Variants in FHIT observed in about 807,000 individuals in gnomAD.
FHIT encodes the protein fragile histidine triad diadenosine triphosphatase.
Under a neutral mutation model 17.9 loss-of-function variants are expected in FHIT, and 19 were observed. The ratio of observed to expected loss-of-function variants is 1.06; its 90% CI spans 0.74 to 1.56. The LOEUF (loss-of-function observed/expected upper bound fraction) is 1.56, where lower values mean the gene tolerates loss of function less well. FHIT is among the 40% of genes most tolerant of loss of function. The probability of loss-of-function intolerance (pLI) is 0.00; values close to 1 mark genes in which losing one functional copy is unlikely to be tolerated. For synonymous variants in FHIT, 81 were observed against 69.7 expected (o/e 1.16, Z -0.81); for missense variants, 248 against 189.2 (o/e 1.31, Z -1.82).
At chr3:60,467,169 T>C (rs369037870) in intron 5 of FHIT, among the ~76,000 whole-genome samples, 99 of 152,136 alleles carry the variant, frequency 6.5e-4, no homozygotes, top group African/African-American at 2.2e-3. Context: ...GCTCACAGTA[T>C]CTTCTAATGA....
intron 5 of FHIT, among the ~76,000 whole-genome samples, chr3:60,487,552 C>A (rs1378705099): frequency 6.6e-6 from 1 of 152,162 alleles, no homozygotes; most frequent in Non-Finnish European, 1.5e-5. Context: ...ATCTTTGGTG[C>A]AGCAATTAAT....
At chr3:60,069,617 T>G (rs1289088057) in intron 5 of FHIT, among the ~76,000 whole-genome samples, 1 of 152,202 alleles carries the variant, frequency 6.6e-6, no homozygotes, top group African/African-American at 2.4e-5. Context: ...AGTAAATAAT[T>G]CAACTAACTA....
intron 4 of FHIT, among the ~76,000 whole-genome samples, chr3:60,738,305 A>G (rs1434047860): frequency 1.8e-4 from 28 of 152,220 alleles, no homozygotes; most frequent in Admixed American, 1.4e-3. Flanking sequence ...ATGAGATAGT[A>G]TTACAGTTCA....
At chr3:60,469,364 TCTGA>T (rs147787086) in intron 5 of FHIT, among the ~76,000 whole-genome samples, 10,496 of 152,132 alleles carry the variant, frequency 0.069, 1,172 homozygotes, top group African/African-American at 0.24. Flanking sequence ...TTTTGTCTCC[TCTGA>T]CTGTGTATTT....
chr3:60,614,841 TG>T (rs67535996), intron 4 of FHIT, among the ~76,000 whole-genome samples: 21,945 of 79,162 alleles, frequency 0.28, 4,112 homozygotes, highest in Non-Finnish European at 0.4. Flanking sequence ...GTTTTTTTTT[TG>T]TTTTTTGAGA....
At chr3:60,688,598 A>T (rs1390576348) in intron 4 of FHIT, among the ~76,000 whole-genome samples, 1 of 151,750 alleles carries the variant, frequency 6.6e-6, no homozygotes, top group African/African-American at 2.4e-5. Flanking sequence ...GGCCAGGCTA[A>T]TTTTTGTATT....
At chr3:60,879,565 C>A (rs563425421) in intron 3 of FHIT, among the ~76,000 whole-genome samples, 39 of 152,042 alleles carry the variant, frequency 2.6e-4, no homozygotes, top group Non-Finnish European at 4.1e-4. Context: ...TAGTAACAAA[C>A]CCTAATGACA....
At chr3:59,861,877 A>T (rs1408332281) in intron 8 of FHIT, among the ~76,000 whole-genome samples, 1 of 152,206 alleles carries the variant, frequency 6.6e-6, no homozygotes, top group Non-Finnish European at 1.5e-5. Context: ...AAAAAAAAAT[A>T]GTCAAATATA....
intron 8 of FHIT, among the ~76,000 whole-genome samples, chr3:59,763,121 C>T (rs1701611509): frequency 6.6e-6 from 1 of 152,162 alleles, no homozygotes; most frequent in African/African-American, 2.4e-5. Flanking sequence ...ACCCACAGTA[C>T]TCAGAACAAG....
At chr3:60,453,180 T>G (rs565787739) in intron 5 of FHIT, among the ~76,000 whole-genome samples, 1 of 148,070 alleles carries the variant, frequency 6.8e-6, no homozygotes, top group African/African-American at 2.6e-5. Flanking sequence ...AGTTTAATTA[T>G]TTTATGCCTG....
chr3:60,359,185 A>G (rs1699794412), intron 5 of FHIT, among the ~76,000 whole-genome samples: 1 of 152,132 alleles, frequency 6.6e-6, no homozygotes, highest in Admixed American at 6.6e-5. Context: ...ACATCACAGA[A>G]CAGAGTAGAC....
chr3:61,185,229 T>A (rs1276860120), intron 2 of FHIT, among the ~76,000 whole-genome samples: 1 of 152,116 alleles, frequency 6.6e-6, no homozygotes, highest in Non-Finnish European at 1.5e-5. Flanking sequence ...GCAATTTGCT[T>A]TATCAGGAGA....
At chr3:60,506,975 G>C (rs1338477390) in intron 5 of FHIT, among the ~76,000 whole-genome samples, 1 of 152,118 alleles carries the variant, frequency 6.6e-6, no homozygotes, top group Non-Finnish European at 1.5e-5. Flanking sequence ...ACATAGTGCT[G>C]AAGTTACTAT....
intron 4 of FHIT, among the ~76,000 whole-genome samples, chr3:60,566,025 A>G (rs937599618): frequency 6.6e-6 from 1 of 152,118 alleles, no homozygotes; most frequent in African/African-American, 2.4e-5. Flanking sequence ...TGTACCCAGT[A>G]GTCATTCAGG....
chr3:60,536,794 T>G lies in FHIT; in HGVS notation c.103+66A>C. ...ACTGGAGGCCAATCTTGTATTTATA[T>G]TCATTTGGCTGGTTAGGCTCAGAAG... On this transcript the variant is annotated intron_variant, in intron 5 of 9. Coordinates refer to ENST00000492590, the MANE Select transcript of FHIT (RefSeq NM_002012.4). 3 of 1,504,936 alleles carry G rather than the reference T, an allele frequency of 2.0e-6. No individual in the cohort carries two copies. In the East Asian group the frequency reaches 6.9e-5, roughly 34 times the overall value. 93.2% of individuals were successfully genotyped at this position (1,504,936 alleles called of 1,614,324 possible).
At chr3:60,444,731 T>C (rs1487540516) in intron 5 of FHIT, among the ~76,000 whole-genome samples, 6 of 151,766 alleles carry the variant, frequency 4.0e-5, no homozygotes, top group Non-Finnish European at 5.9e-5. Flanking sequence ...CATTAGGAGA[T>C]ATACCTAATG....
chr3:60,669,696 G>A (rs1030579781), intron 4 of FHIT, among the ~76,000 whole-genome samples: 4 of 152,124 alleles, frequency 2.6e-5, no homozygotes, highest in Admixed American at 6.5e-5. Context: ...TAGACCTCAC[G>A]AAAACATCAC....
chr3:61,185,700 G>C (rs569851000), intron 2 of FHIT, among the ~76,000 whole-genome samples: 9 of 152,282 alleles, frequency 5.9e-5, no homozygotes, highest in South Asian at 4.1e-4. Flanking sequence ...GGAAAAAGCA[G>C]TATGTGCCAT....
chr3:60,011,508 A>C, intron 6 of FHIT, 108 bp from the exon 7 acceptor site: 1 of 950,160 alleles, frequency 1.1e-6, no homozygotes, highest in East Asian at 2.5e-5. Context: ...TTGTGTGTTA[A>C]TTTATAGTAT....
Sources: allele counts gnomAD v4.1 joint callset (sites outside exome capture counted in the v4.1 genomes callset), GRCh38; gene constraint gnomAD v4.1.1; transcripts MANE v1.5; gene names NCBI Gene and HGNC (gene_info 2026-07-23, HGNC 2026-07-21).